CCAR1: variants seen among roughly 807,000 people sequenced by gnomAD.
CCAR1 encodes cell division cycle and apoptosis regulator 1, also known as cell division cycle and apoptosis regulator protein 1.
A neutral mutation model predicts 163.8 loss-of-function variants in CCAR1; 78 were observed. The observed-to-expected ratio is 0.48, with a 90% CI of 0.40 to 0.57. CCAR1 has a LOEUF of 0.57. Among genes scored for constraint, CCAR1 ranks in the 20% least tolerant of loss-of-function variants. The pLI, the probability that CCAR1 is intolerant of heterozygous loss-of-function variation, is 0.00. For synonymous variants in CCAR1, 443 were observed against 460.7 expected (o/e 0.96, Z 0.49); for missense variants, 1,019 against 1,365.2 (o/e 0.75, Z 4.00).
chr10:68,787,230 A>G (rs1313043941), intron 21 of CCAR1, among the ~76,000 whole-genome samples: 1 of 151,420 alleles, frequency 6.6e-6, no homozygotes, highest in Non-Finnish European at 1.5e-5. Context: ...TATAAACAAA[A>G]CGTGGAATTA....
intron 21 of CCAR1, 27 bp downstream of exon 21, chr10:68,786,719 G>A: frequency 6.4e-7 from 1 of 1,555,830 alleles, no homozygotes; most frequent in Non-Finnish European, 8.7e-7. Context: ...ATATTTAAAA[G>A]GAAAACATTT....
At chr10:68,758,651 A>G (rs1220817749) in intron 15 of CCAR1, among the ~76,000 whole-genome samples, 1 of 104,208 alleles carries the variant, frequency 9.6e-6, no homozygotes, top group Non-Finnish European at 2.0e-5. Flanking sequence ...ACACGTGTAT[A>G]TATATATATA....
chr10:68,772,816 A>C (rs1281922724), intron 18 of CCAR1, among the ~76,000 whole-genome samples, 172 bp from the exon 19 acceptor site: 1 of 150,694 alleles, frequency 6.6e-6, no homozygotes, highest in Non-Finnish European at 1.5e-5. Context: ...TGATAATATA[A>C]TAATAATATA....
intron 2 of CCAR1, among the ~76,000 whole-genome samples, chr10:68,736,335 T>TATC (rs10675898): frequency 0.93 from 141,408 of 152,110 alleles, 65,829 homozygotes; most frequent in African/African-American, 0.98. Flanking sequence ...TTCACCTACT[T>TATC]ATCTTTTGTG....
At chr10:68,738,318 A>G (rs909269960) in intron 4 of CCAR1, among the ~76,000 whole-genome samples, 20 of 152,028 alleles carry the variant, frequency 1.3e-4, no homozygotes, top group African/African-American at 4.8e-4. Context: ...GGAGGCTGAG[A>G]CAGGGAGGCT....
intron 2 of CCAR1, among the ~76,000 whole-genome samples, chr10:68,723,309 T>A (rs2055888001): frequency 6.7e-6 from 1 of 149,500 alleles, no homozygotes; most frequent in African/African-American, 2.4e-5. Context: ...TTTTGTATTT[T>A]TAGTAGAGAC....
At chr10:68,730,348 TA>T (rs1484033870) in intron 2 of CCAR1, among the ~76,000 whole-genome samples, 2 of 150,720 alleles carry the variant, frequency 1.3e-5, no homozygotes, top group Non-Finnish European at 1.5e-5. Context: ...TATATATATT[TA>T]TTTTTTGAGA....
At position 68,760,863 on chromosome 10, in the gene CCAR1, CA is replaced by C. The variant is rs371972759; in HGVS notation, c.1921-136del. ...TGGGCGACAGAGTTTGGCTCTGTTTCAAAAAAAACAAAAAACAAAAAAAAAA... is the reference window on the plus strand; with the variant it reads ...TGGGCGACAGAGTTTGGCTCTGTTTCAAAAAAACAAAAAACAAAAAAAAAA... On this transcript the variant is annotated intron_variant, in intron 15 of 24. Coordinates refer to ENST00000265872, the MANE Select transcript of CCAR1 (RefSeq NM_018237.4). The C allele has an allele frequency of 2.6e-4, 104 of 392,628 alleles. 1 individual carries two copies. Among genetic ancestry groups the C allele is most frequent in the African/African-American group, 7.7e-4 (15 of 19,554 alleles). The allele number at this position is 392,628 out of a possible 1,614,324, so 24.3% of individuals were successfully genotyped here.
chr10:68,771,190 T>A lies in CCAR1; in HGVS notation c.2299-16T>A. 6.4e-7 allele frequency: 1 copy of A among 1,570,656 alleles called. No individual in the cohort carries two copies. The highest frequency in any genetic ancestry group is 8.6e-7 in the Non-Finnish European group (1 of 1,164,798). On this transcript the variant is annotated splice_polypyrimidine_tract_variant and intron_variant, in intron 17 of 24. Coordinates refer to ENST00000265872, the MANE Select transcript of CCAR1 (RefSeq NM_018237.4). The stretch of plus-strand genomic sequence containing the variant: ...TGTTGAAATTTGGCTAGGTTCATGT[T>A]GATATCTTTTTATAGGTTTCATTGT...
rs576936172 is a variant in CCAR1 at position 68,748,074 on chromosome 10, G to A, written c.826+508G>A. 9.2e-5 allele frequency among the ~76,000 whole-genome samples: 14 copies of A among 152,106 alleles called. 1 individual carries two copies. Among genetic ancestry groups the A allele is most frequent in the Admixed American group, 7.2e-4 (11 of 15,260 alleles). On this transcript the variant is annotated intron_variant, in intron 8 of 24. Coordinates refer to ENST00000265872, the MANE Select transcript of CCAR1 (RefSeq NM_018237.4). ...TCACCACGTTGGCCAGGCTGGTCTC[G>A]AACTCCTGACTTCAAGTTATCCGCC...
intron 2 of CCAR1, among the ~76,000 whole-genome samples, chr10:68,736,130 A>G (rs2056106776): frequency 6.6e-6 from 1 of 152,120 alleles, no homozygotes; most frequent in Admixed American, 6.6e-5. Context: ...TGGGATTGCA[A>G]GCATAAGCCA....
chr10:68,745,194 G>C (rs914189926), intron 6 of CCAR1, among the ~76,000 whole-genome samples: 1 of 151,960 alleles, frequency 6.6e-6, no homozygotes, highest in African/African-American at 2.4e-5. Flanking sequence ...TTTTAGTAGA[G>C]ACAGGGTTTC....
chr10:68,771,195 T>A lies in CCAR1; in HGVS notation c.2299-11T>A. The A allele has an allele frequency of 2.5e-6, 4 of 1,572,070 alleles. No homozygotes were observed. The highest frequency in any genetic ancestry group is 3.4e-6 in the Non-Finnish European group (4 of 1,165,694). On this transcript the variant is annotated splice_polypyrimidine_tract_variant and intron_variant, in intron 17 of 24. Transcript: ENST00000265872. ...AAATTTGGCTAGGTTCATGTTGATA[T>A]CTTTTTATAGGTTTCATTGTTTGCG...
chr10:68,766,209 T>G, intron 17 of CCAR1, 130 bp downstream of exon 17: 1 of 646,982 alleles, frequency 1.5e-6, no homozygotes, highest in South Asian at 2.2e-5. Flanking sequence ...TGTTTTGTTT[T>G]TGTTTTTTTT....
intron 2 of CCAR1, among the ~76,000 whole-genome samples, chr10:68,726,302 G>T (rs973423513): frequency 2.0e-5 from 3 of 151,902 alleles, no homozygotes; most frequent in African/African-American, 4.8e-5. Flanking sequence ...TAGGCGTGTG[G>T]CAGCAAGCCC....
At chr10:68,762,580 A>C (rs2056486868) in intron 16 of CCAR1, among the ~76,000 whole-genome samples, 1 of 152,186 alleles carries the variant, frequency 6.6e-6, no homozygotes, top group Admixed American at 6.5e-5. Context: ...GGGATATCAG[A>C]AGTGTGTTTT....
intron 2 of CCAR1, among the ~76,000 whole-genome samples, chr10:68,725,420 G>C (rs2055928990): frequency 6.6e-6 from 1 of 151,688 alleles, no homozygotes; most frequent in South Asian, 2.1e-4. Flanking sequence ...TAAAAATAAA[G>C]TCAACAAAAC....
At chr10:68,789,184 C>T (rs1589197044) in intron 23 of CCAR1, among the ~76,000 whole-genome samples, 3 of 151,908 alleles carry the variant, frequency 2.0e-5, no homozygotes, top group East Asian at 2.0e-4. Flanking sequence ...GCTGGGTTTA[C>T]AGGCATGAGC....
Position 68,765,981 on chromosome 10 carries a change from A to T in CCAR1, c.2200A>T (p.Asn734Tyr). 6.2e-7 allele frequency: 1 copy of T among 1,614,024 alleles called. No individual in the cohort carries two copies. Among genetic ancestry groups the T allele is most frequent in the Admixed American group, 1.7e-5 (1 of 60,000 alleles). The change falls in exon 17 of 25, where the codon AAT (asparagine) becomes TAT (tyrosine). Residue 734 changes from asparagine to tyrosine, a missense_variant. By Grantham distance (143) the Asn-to-Tyr change is moderately radical. Around this residue, in one of 4 missense-constraint regions of CCAR1, gnomAD observed 644 missense variants for 904.4 expected, o/e 0.71. Transcript: ENST00000265872. The stretch of plus-strand genomic sequence containing the variant: ...TGAACCGGCCATCATTGTACATCCA[A>T]ATTGGGCTGCAAAAAGTGGCAAGTT... ...PDEPAIIVHP[N>Y]WAAKSGKFDC... is the part of the protein sequence containing the mutation.
Sources: allele counts gnomAD v4.1 joint callset (sites outside exome capture counted in the v4.1 genomes callset), GRCh38; gene constraint gnomAD v4.1.1; regional missense constraint gnomAD v4.1.1; transcripts MANE v1.5; gene names NCBI Gene and HGNC (gene_info 2026-07-23, HGNC 2026-07-21).